The following UGCG variants were observed in gnomAD, a reference collection of about 807,000 sequenced individuals.
The protein encoded by UGCG is ceramide glucosyltransferase.
A neutral mutation model predicts 49.5 loss-of-function variants in UGCG; 10 were observed. The ratio of observed to expected loss-of-function variants is 0.20; its 90% CI spans 0.12 to 0.34. The LOEUF (loss-of-function observed/expected upper bound fraction) is 0.34, where lower values mean the gene tolerates loss of function less well. Ranked by LOEUF, UGCG falls within the 10% of genes least tolerant of loss-of-function variation. The pLI is 1.00. For missense variants in UGCG, 312 were observed against 483.7 expected (o/e 0.65, Z 3.33); for synonymous variants, 182 against 158.2 (o/e 1.15, Z -1.13).
intron 7 of UGCG, 47 bp downstream of exon 7, chr9:111,931,404 GA>G (rs1383643155): frequency 4.5e-6 from 7 of 1,572,262 alleles, no homozygotes; most frequent in Non-Finnish European, 6.1e-6. Flanking sequence ...GGAAAGTGGG[GA>G]GGGGGGTGGT....
chr9:111,932,182 A>G lies in UGCG; in HGVS notation c.837A>G (p.Leu279=), dbSNP rs747916061. 1.9e-6 allele frequency: 3 copies of G among 1,613,902 alleles called. No homozygotes were observed. Among genetic ancestry groups the G allele is most frequent in the African/African-American group, 1.3e-5 (1 of 74,924 alleles). ...TTTGTTTTTCCAGGTGGACCAAACT[A>G]CGAATTAACATGCTTCCTGCTACAA... ...FQSRMIRWTK[L]RINMLPATII... Residue 279 remains leucine, a synonymous_variant, in exon 8 of 9, where the codon CTA becomes CTG. Coordinates refer to ENST00000374279, the MANE Select transcript of UGCG (RefSeq NM_003358.3).
chr9:111,911,189 G>A (rs1359387270), intron 1 of UGCG, among the ~76,000 whole-genome samples: 1 of 152,122 alleles, frequency 6.6e-6, no homozygotes, highest in Admixed American at 6.5e-5. Context: ...CAGTTGTCCT[G>A]TCATTCTTAT....
At chr9:111,921,628 G>A (rs983661964) in intron 2 of UGCG, among the ~76,000 whole-genome samples, 5 of 147,482 alleles carry the variant, frequency 3.4e-5, no homozygotes, top group African/African-American at 1.3e-4. Context: ...TCCAACCTGG[G>A]TGACAGTGAG....
chr9:111,914,477 CT>C (rs2118539198), intron 1 of UGCG, 127 bp from the exon 2 acceptor site: 1 of 961,428 alleles, frequency 1.0e-6, no homozygotes, highest in East Asian at 2.6e-5. Context: ...TTTAGATCCT[CT>C]TTTAGAAAGA....
At position 111,934,154 on chromosome 9, in the gene UGCG, G is replaced by A. The variant is rs1325701911; in HGVS notation, c.*1157G>A. On this transcript the variant is annotated 3_prime_UTR_variant, in exon 9 of 9. Coordinates refer to ENST00000374279, the MANE Select transcript of UGCG (RefSeq NM_003358.3). ...TTTTTTTTTTTTGTTTTTTGTTTTT[G>A]TTTGTTTACTATTATAGTAAGTCTA... is the stretch of plus-strand genomic sequence containing the variant. 1.4e-5 allele frequency: 2 copies of A among 143,418 alleles called. No homozygotes were observed. Among genetic ancestry groups the A allele is most frequent in the Non-Finnish European group, 3.1e-5 (2 of 65,408 alleles). 8.9% of individuals were successfully genotyped at this position (143,418 alleles called of 1,614,324 possible).
chr9:111,898,491 A>T (rs1837708774), intron 1 of UGCG, among the ~76,000 whole-genome samples: 1 of 152,076 alleles, frequency 6.6e-6, no homozygotes, highest in African/African-American at 2.4e-5. Flanking sequence ...GGTACTGAGA[A>T]AGATGATGCT....
At chr9:111,906,557 C>T (rs1308713843) in intron 1 of UGCG, among the ~76,000 whole-genome samples, 3 of 151,786 alleles carry the variant, frequency 2.0e-5, no homozygotes, top group South Asian at 2.1e-4. Context: ...AGCCTCCCGA[C>T]TAGCTGGGAT....
intron 1 of UGCG, among the ~76,000 whole-genome samples, chr9:111,901,760 A>G (rs1454931754): frequency 6.6e-6 from 1 of 152,210 alleles, no homozygotes. Context: ...CTATTGATTC[A>G]TTATCCCTGC....
intron 2 of UGCG, 53 bp downstream of exon 2, chr9:111,914,799 C>G: frequency 6.2e-7 from 1 of 1,600,382 alleles, no homozygotes; most frequent in Non-Finnish European, 8.5e-7. Flanking sequence ...TTGTTCCCCT[C>G]ATGATAAACA....
intron 1 of UGCG, 100 bp downstream of exon 1, chr9:111,897,413 G>A (rs1374977359): frequency 7.5e-6 from 7 of 937,468 alleles, no homozygotes; most frequent in Non-Finnish European, 1.1e-5. Context: ...CTGGGCTCGG[G>A]CGGGGGTGGA....
intron 6 of UGCG, among the ~76,000 whole-genome samples, chr9:111,930,419 T>G (rs1215784840): frequency 6.6e-6 from 1 of 152,064 alleles, no homozygotes; most frequent in Non-Finnish European, 1.5e-5. Flanking sequence ...ACTGAAAGAT[T>G]CATATGACTG....
At chr9:111,919,314 CTG>C (rs1040180652) in intron 2 of UGCG, among the ~76,000 whole-genome samples, 1 of 151,900 alleles carries the variant, frequency 6.6e-6, no homozygotes, top group Non-Finnish European at 1.5e-5. Context: ...AGCTCGTCGT[CTG>C]TACTAAAAAT....
intron 5 of UGCG, among the ~76,000 whole-genome samples, chr9:111,928,863 T>C (rs952311502): frequency 6.6e-6 from 1 of 152,190 alleles, no homozygotes; most frequent in African/African-American, 2.4e-5. Context: ...ATATATCTTA[T>C]GACTTCAGAG....
chr9:111,905,630 T>G (rs1837867894), intron 1 of UGCG, among the ~76,000 whole-genome samples: 1 of 152,122 alleles, frequency 6.6e-6, no homozygotes, highest in South Asian at 2.1e-4. Context: ...ATTTTTGTAT[T>G]TTTAGTAGAG....
chr9:111,914,367 T>TA (rs965808290), intron 1 of UGCG, among the ~76,000 whole-genome samples: 1 of 152,208 alleles, frequency 6.6e-6, no homozygotes, highest in Non-Finnish European at 1.5e-5. Context: ...TGATGAGCTT[T>TA]AAAAAATCGC....
rs774292393 is a variant in UGCG at position 111,932,374 on chromosome 9, A to G, written c.1014+15A>G. 5 of 1,604,612 alleles carry G rather than the reference A, an allele frequency of 3.1e-6. No individual in the cohort carries two copies. The highest frequency in any genetic ancestry group is 1.1e-5 in the South Asian group (1 of 89,914). Reference sequence around the variant, plus strand: ...GGGGTGTCCAGGTATGTGGATAGGCATGAAAAGGTTGGCAGTCCCTTGGTG... The same window carrying G: ...GGGGTGTCCAGGTATGTGGATAGGCGTGAAAAGGTTGGCAGTCCCTTGGTG... On this transcript the variant is annotated intron_variant, in intron 8 of 8. Transcript: ENST00000374279.
At chr9:111,906,470 C>T (rs921469865) in intron 1 of UGCG, among the ~76,000 whole-genome samples, 1 of 152,086 alleles carries the variant, frequency 6.6e-6, no homozygotes, top group Admixed American at 6.6e-5. Flanking sequence ...CGCTGTGTCG[C>T]CCAAGCTGGA....
At chr9:111,932,407 A>G (rs1838442203) in intron 8 of UGCG, 48 bp downstream of exon 8, 1 of 1,524,954 alleles carries the variant, frequency 6.6e-7, no homozygotes, top group Admixed American at 2.0e-5. Context: ...GTGGAACTAG[A>G]ACTATTTCAA....
intron 1 of UGCG, among the ~76,000 whole-genome samples, chr9:111,903,437 C>T (rs968739451): frequency 4.0e-5 from 6 of 148,544 alleles, no homozygotes; most frequent in East Asian, 2.1e-4. Flanking sequence ...TGGTGGCAGG[C>T]GCCTGTAATC....
Sources: allele counts gnomAD v4.1 joint callset (sites outside exome capture counted in the v4.1 genomes callset), GRCh38; gene constraint gnomAD v4.1.1; transcripts MANE v1.5; gene names NCBI Gene and HGNC (gene_info 2026-07-23, HGNC 2026-07-21).